Variants in SEZ6L observed in about 807,000 individuals in gnomAD.
SEZ6L encodes seizure 6-like protein.
A neutral mutation model predicts 106.2 loss-of-function variants in SEZ6L; 37 were observed. That is an observed-to-expected ratio of 0.35 (90% CI 0.27 to 0.46). The LOEUF (loss-of-function observed/expected upper bound fraction) is 0.46. SEZ6L is among the 20% of genes least tolerant of loss of function. The probability of loss-of-function intolerance (pLI) is 1.00; values close to 1 mark genes in which losing one functional copy is unlikely to be tolerated. For missense variants in SEZ6L, 1,172 were observed against 1,332.8 expected, an observed-to-expected ratio of 0.88 and a Z score of 1.88; for synonymous variants, 541 against 570.4, an observed-to-expected ratio of 0.95 and a Z score of 0.73.
intron 14 of SEZ6L, among the ~76,000 whole-genome samples, chr22:26,374,117 G>T (rs962364427): frequency 6.6e-6 from 1 of 151,744 alleles, no homozygotes; most frequent in Non-Finnish European, 1.5e-5. Flanking sequence ...CTATGTCACC[G>T]CTATTGAATT....
chr22:26,272,415 GTTTGTGTTTGGGCCACAAA>G, intron 1 of SEZ6L, among the ~76,000 whole-genome samples: 1 of 152,146 alleles, frequency 6.6e-6, no homozygotes, highest in African/African-American at 2.4e-5. Context: ...CAAACACTTG[GTTTGTGTTTGGGCCACAAA>G]AAAACCGAAT....
rs1043781177 is a variant in SEZ6L at position 26,292,478 on chromosome 22, G to C, written c.167G>C (p.Ser56Thr). Reference protein sequence around the residue: ...LLPSGAPERGSPGKEHPEERV... With the variant: ...LLPSGAPERGTPGKEHPEERV... ...CCCTCAGGAGCCCCGGAGAGAGGCA[G>C]TCCTGGCAAAGAGCACCCTGAAGAG... is the stretch of plus-strand genomic sequence containing the variant. Residue 56 changes from serine to threonine, a missense_variant, in exon 2 of 17, where the codon AGT (serine) becomes ACT (threonine). Around this residue, in one of 4 missense-constraint regions of SEZ6L, gnomAD observed 494 missense variants for 445.8 expected, o/e 1.11. Coordinates refer to ENST00000248933, the MANE Select transcript of SEZ6L (RefSeq NM_021115.5). 5 of 1,614,020 alleles carry C rather than the reference G, an allele frequency of 3.1e-6. No individual in the cohort carries two copies. The highest frequency in any genetic ancestry group is 4.2e-6 in the Non-Finnish European group (5 of 1,179,964).
chr22:26,313,679 C>A, intron 8 of SEZ6L, 85 bp from the exon 9 acceptor site: 1 of 1,523,724 alleles, frequency 6.6e-7, no homozygotes, highest in Non-Finnish European at 9.0e-7. Context: ...GGCTGTCTGA[C>A]TTCATAGCCC....
chr22:26,310,573 T>C, intron 6 of SEZ6L, 97 bp from the exon 7 acceptor site: 4 of 1,340,116 alleles, frequency 3.0e-6, no homozygotes, highest in Non-Finnish European at 4.2e-6. Flanking sequence ...GATCCGGTAA[T>C]GAGGCTCCAG....
chr22:26,172,371 A>G (rs1938681900), intron 1 of SEZ6L, among the ~76,000 whole-genome samples: 1 of 152,172 alleles, frequency 6.6e-6, no homozygotes, highest in African/African-American at 2.4e-5. Flanking sequence ...TTGTGTTCAT[A>G]TGGCTCAGTT....
intron 1 of SEZ6L, among the ~76,000 whole-genome samples, chr22:26,283,438 G>T (rs1362977548): frequency 6.6e-6 from 1 of 152,146 alleles, no homozygotes; most frequent in Non-Finnish European, 1.5e-5. Flanking sequence ...AAAGCCCACG[G>T]CTTCTAAGTA....
intron 8 of SEZ6L, among the ~76,000 whole-genome samples, chr22:26,312,663 C>T (rs531527636): frequency 6.0e-4 from 91 of 152,284 alleles, no homozygotes; most frequent in Admixed American, 1.2e-3. Flanking sequence ...CTCCGCTTCC[C>T]GGGTTCAAGC....
intron 10 of SEZ6L, among the ~76,000 whole-genome samples, chr22:26,341,544 C>T (rs188762103): frequency 5.9e-5 from 9 of 152,262 alleles, no homozygotes; most frequent in African/African-American, 9.6e-5. Context: ...ATCCGTTGAC[C>T]GGTTCATACT....
chr22:26,272,397 T>C (rs2080397638), intron 1 of SEZ6L, among the ~76,000 whole-genome samples: 1 of 152,202 alleles, frequency 6.6e-6, no homozygotes, highest in Admixed American at 6.5e-5. Context: ...ACTTTGGATG[T>C]TGGACCCCAA....
At chr22:26,250,009 A>G (rs1311453329) in intron 1 of SEZ6L, among the ~76,000 whole-genome samples, 1 of 152,042 alleles carries the variant, frequency 6.6e-6, no homozygotes, top group African/African-American at 2.4e-5. Flanking sequence ...CACATTTTTA[A>G]TCAGATTATT....
At chr22:26,186,207 G>T (rs1939770193) in intron 1 of SEZ6L, among the ~76,000 whole-genome samples, 1 of 152,054 alleles carries the variant, frequency 6.6e-6, no homozygotes, top group African/African-American at 2.4e-5. Context: ...TCTGGGCTTG[G>T]CCAGAGATAA....
intron 1 of SEZ6L, among the ~76,000 whole-genome samples, chr22:26,202,462 G>C (rs1004282565): frequency 6.6e-6 from 1 of 152,174 alleles, no homozygotes; most frequent in Admixed American, 6.5e-5. Flanking sequence ...AGGAGGCACG[G>C]GTTGTCTATG....
At chr22:26,209,851 T>G (rs8142407) in intron 1 of SEZ6L, among the ~76,000 whole-genome samples, 46 of 70,944 alleles carry the variant, frequency 6.5e-4, no homozygotes, top group African/African-American at 1.6e-3. Flanking sequence ...AAGGAAGGAA[T>G]GAAGGAAAGA....
chr22:26,377,906 A>C, intron 16 of SEZ6L, 131 bp downstream of exon 16: 6 of 643,484 alleles, frequency 9.3e-6, no homozygotes, highest in Non-Finnish European at 1.7e-5. Context: ...TATCCCCACC[A>C]AGAGCCCTAA....
chr22:26,359,071 C>T (rs1316093084), intron 12 of SEZ6L, among the ~76,000 whole-genome samples: 1 of 152,218 alleles, frequency 6.6e-6, no homozygotes, highest in Non-Finnish European at 1.5e-5. Context: ...AAGCAACTCA[C>T]TCAAGGTGGT....
At chr22:26,182,976 A>C (rs1416976320) in intron 1 of SEZ6L, among the ~76,000 whole-genome samples, 1 of 152,196 alleles carries the variant, frequency 6.6e-6, no homozygotes, top group Non-Finnish European at 1.5e-5. Context: ...GCTTCCAGAC[A>C]ACAGTGCTTG....
At chr22:26,361,862 T>C (rs1257621404) in intron 12 of SEZ6L, among the ~76,000 whole-genome samples, 1 of 152,170 alleles carries the variant, frequency 6.6e-6, no homozygotes, top group East Asian at 1.9e-4. Flanking sequence ...ACTGGGCACC[T>C]ACCCTGTACC....
At chr22:26,241,773 T>C (rs2079143437) in intron 1 of SEZ6L, among the ~76,000 whole-genome samples, 1 of 152,168 alleles carries the variant, frequency 6.6e-6, no homozygotes, top group Non-Finnish European at 1.5e-5. Context: ...ATTCCCATCT[T>C]ATCTTAGGAG....
Position 26,216,015 on chromosome 22 carries a change from C to T in SEZ6L, c.94+46252C>T, listed in dbSNP as rs547113774. On this transcript the variant is annotated intron_variant, in intron 1 of 16. Coordinates refer to ENST00000248933, the MANE Select transcript of SEZ6L (RefSeq NM_021115.5). ...GCATGACGGGAGCACTAGGTGAAGC[C>T]ACGGAAATTGGATTTGAGTGATTCC... 2.4e-4 allele frequency among the ~76,000 whole-genome samples: 36 copies of T among 152,320 alleles called. 1 individual carries two copies. In the South Asian group the frequency reaches 7.5e-3, roughly 32 times the overall value.
Sources: gnomAD v4.1 joint callset for allele counts (sites outside exome capture counted in the v4.1 genomes callset) on GRCh38, gnomAD v4.1.1 for gene constraint, gnomAD v4.1.1 regional missense constraint, MANE v1.5 for transcripts, NCBI Gene and HGNC (gene_info 2026-07-23, HGNC 2026-07-21) for gene names.